The following DLGAP1 variants were observed in gnomAD, a reference collection of about 807,000 sequenced individuals.
DLGAP1 encodes DLG associated protein 1.
In DLGAP1, 11 loss-of-function variants were observed where a neutral mutation model predicts 90.8. The observed-to-expected ratio is 0.12, with a 90% CI of 0.08 to 0.20. The LOEUF (loss-of-function observed/expected upper bound fraction) is 0.20, where lower values mean the gene tolerates loss of function less well. DLGAP1 is among the 10% of genes least tolerant of loss of function. DLGAP1 has a pLI of 1.00. For synonymous variants in DLGAP1, 558 were observed against 540.7 expected, an observed-to-expected ratio of 1.03 and a Z score of -0.44; for missense variants, 1,050 against 1,333.8, an observed-to-expected ratio of 0.79 and a Z score of 3.31.
intron 7 of DLGAP1, among the ~76,000 whole-genome samples, chr18:3,588,185 C>T (rs370763348): frequency 3.3e-5 from 5 of 152,176 alleles, no homozygotes; most frequent in Admixed American, 6.5e-5. Context: ...TGGGGCCGGG[C>T]GCTGTGGCTC....
chr18:4,002,965 G>C (rs2074226153), intron 3 of DLGAP1, among the ~76,000 whole-genome samples: 1 of 152,142 alleles, frequency 6.6e-6, no homozygotes, highest in South Asian at 2.1e-4. Context: ...TCTGGATGCT[G>C]ATACAAGGCC....
At chr18:3,702,904 G>T (rs1337624287) in intron 7 of DLGAP1, among the ~76,000 whole-genome samples, 1 of 152,080 alleles carries the variant, frequency 6.6e-6, no homozygotes, top group African/African-American at 2.4e-5. Context: ...GAGAGGACAG[G>T]GATCCAAGTC....
chr18:4,112,668 G>C (rs913857622), intron 2 of DLGAP1, among the ~76,000 whole-genome samples: 7 of 152,100 alleles, frequency 4.6e-5, no homozygotes, highest in African/African-American at 1.7e-4. Flanking sequence ...TGTTACCTGG[G>C]AATATTGTGT....
chr18:3,778,963 C>G (rs961793383), intron 5 of DLGAP1, among the ~76,000 whole-genome samples: 7 of 152,140 alleles, frequency 4.6e-5, no homozygotes, highest in African/African-American at 1.7e-4. Context: ...CCCAGTCTAT[C>G]CCAACCTGAG....
chr18:3,956,562 A>T (rs559475056), intron 3 of DLGAP1, among the ~76,000 whole-genome samples: 1 of 151,956 alleles, frequency 6.6e-6, no homozygotes, highest in East Asian at 1.9e-4. Flanking sequence ...GTTAGCCAGG[A>T]TGGTCTCAAT....
At chr18:4,332,738 T>C (rs984922802) in intron 1 of DLGAP1, among the ~76,000 whole-genome samples, 4 of 151,982 alleles carry the variant, frequency 2.6e-5, no homozygotes, top group African/African-American at 9.7e-5. Context: ...GGTGCCATAC[T>C]TCACATCACT....
intron 4 of DLGAP1, among the ~76,000 whole-genome samples, 190 bp downstream of exon 4, chr18:3,878,922 G>A (rs2071072926): frequency 6.6e-6 from 1 of 152,176 alleles, no homozygotes; most frequent in African/African-American, 2.4e-5. Flanking sequence ...ATAACCCGGT[G>A]AGGTCGGTAG....
rs772922462 is a variant in DLGAP1 at position 3,879,096 on chromosome 18, T to C, written c.957+16A>G. On this transcript the variant is annotated intron_variant, in intron 4 of 12. Transcript: ENST00000315677. This position sits in a 1 kb window ranked among gnomAD's most constrained non-coding sequence, Gnocchi z 6.6. ...AGGTACTACTTCTAAGCCTCCATCA[T>C]TGACAGAAATGGTACCTGCAGGTAC... The C allele has an allele frequency of 4.7e-6, 7 of 1,485,272 alleles. No individual in the cohort carries two copies. The highest frequency in any genetic ancestry group is 2.7e-6 in the Non-Finnish European group (3 of 1,117,466). The allele number at this position is 1,485,272 out of a possible 1,614,324, so 92.0% of individuals were successfully genotyped here. A position where few individuals can be genotyped will look rare whatever the true frequency, so the allele number is the denominator to read the frequency against.
At chr18:3,604,941 C>T (rs555016091) in intron 7 of DLGAP1, among the ~76,000 whole-genome samples, 2 of 152,278 alleles carry the variant, frequency 1.3e-5, no homozygotes, top group Admixed American at 1.3e-4. Context: ...TACTGGGCAA[C>T]AGGGAAAATG....
intron 3 of DLGAP1, chr18:3,977,748 A>G (rs2073626280): frequency 2.9e-6 from 1 of 350,250 alleles, no homozygotes; most frequent in Non-Finnish European, 5.4e-6. Context: ...TGTTGAGGGC[A>G]ATGCCCACCC....
intron 3 of DLGAP1, among the ~76,000 whole-genome samples, chr18:3,934,941 C>T (rs1234113450): frequency 6.6e-6 from 1 of 152,234 alleles, no homozygotes; most frequent in Non-Finnish European, 1.5e-5. Flanking sequence ...ATTCAAACCC[C>T]TGTTCCATTT....
intron 1 of DLGAP1, among the ~76,000 whole-genome samples, chr18:4,155,991 T>C (rs1598500258): frequency 6.6e-6 from 1 of 152,196 alleles, no homozygotes; most frequent in African/African-American, 2.4e-5. Flanking sequence ...AGATCCATGC[T>C]GAACTTGTTC....
chr18:4,072,985 G>A (rs949501758), intron 2 of DLGAP1, among the ~76,000 whole-genome samples: 1 of 152,130 alleles, frequency 6.6e-6, no homozygotes, highest in Non-Finnish European at 1.5e-5. Context: ...CTTGGATTTA[G>A]AATCTGGACT....
At chr18:3,728,822 C>T (rs951860468) in intron 7 of DLGAP1, among the ~76,000 whole-genome samples, 16 of 152,106 alleles carry the variant, frequency 1.1e-4, no homozygotes, top group African/African-American at 3.1e-4. Flanking sequence ...TAGGAGCTGG[C>T]GGGGATCGGC....
At position 3,653,821 on chromosome 18, in the gene DLGAP1, C is replaced by T. The variant is rs1302136519; in HGVS notation, c.1592-71573G>A. On this transcript the variant is annotated intron_variant, in intron 7 of 12. Coordinates refer to ENST00000315677, the MANE Select transcript of DLGAP1 (RefSeq NM_004746.4). The surrounding 1 kb of genome is among the most constrained non-coding windows in gnomAD (Gnocchi z 4.6). ...TGGATTTCTTCCACTGATGTGCACA[C>T]TCTTTGACATGAAAAGCTGCACGAA... is the stretch of plus-strand genomic sequence containing the variant. 2.0e-5 allele frequency: 3 copies of T among 152,164 alleles called. No individual in the cohort carries two copies. The highest frequency in any genetic ancestry group is 7.2e-5 in the African/African-American group (3 of 41,424). 9.4% of individuals were successfully genotyped at this position (152,164 alleles called of 1,614,324 possible).
At position 3,892,323 on chromosome 18, in the gene DLGAP1, G is replaced by A. The variant is rs549010780; in HGVS notation, c.-72-12183C>T. On this transcript the variant is annotated intron_variant, in intron 3 of 12. Transcript: ENST00000315677. ...AAGGTGGGAGGCTCCCTGACCCGGC[G>A]TCCATCTGCCAGACAGCCCTGTCTC... is the stretch of plus-strand genomic sequence containing the variant. Among the ~76,000 whole-genome samples the A allele has an allele frequency of 3.9e-5, 6 of 152,122 alleles. No homozygotes were observed. In the South Asian group the frequency reaches 6.2e-4, roughly 16 times the overall value.
At chr18:4,288,141 C>A (rs987712812) in intron 1 of DLGAP1, among the ~76,000 whole-genome samples, 21 of 152,182 alleles carry the variant, frequency 1.4e-4, no homozygotes, top group Admixed American at 1.2e-3. Flanking sequence ...TATACATGTG[C>A]CATGCTGGTG....
At position 3,518,525 on chromosome 18, in the gene DLGAP1, T is replaced by TAA. The variant is rs34819875; in HGVS notation, c.2480-9866_2480-9865dup. On this transcript the variant is annotated intron_variant, in intron 10 of 12. Transcript: ENST00000315677. ...GGTTGCCACAAACCTTCAATTTGTT[T>TAA]AAAAAAAAAAAAAAGCAGTGTCTTC... 3.4e-3 allele frequency among the ~76,000 whole-genome samples: 504 copies of TAA among 148,858 alleles called. 1 individual carries two copies. The highest frequency in any genetic ancestry group is 0.012 in the African/African-American group (465 of 40,400).
At chr18:3,677,531 G>A (rs956090742) in intron 7 of DLGAP1, among the ~76,000 whole-genome samples, 4 of 152,336 alleles carry the variant, frequency 2.6e-5, no homozygotes, top group Non-Finnish European at 2.9e-5. Context: ...AGCCTTCAGC[G>A]GCTTTCTAGG....
Sources: gnomAD v4.1 joint callset for allele counts (sites outside exome capture counted in the v4.1 genomes callset) on GRCh38, gnomAD v4.1.1 for gene constraint, Gnocchi (gnomAD v3.1) non-coding constraint, MANE v1.5 for transcripts, NCBI Gene and HGNC (gene_info 2026-07-23, HGNC 2026-07-21) for gene names.